Variants in SNTB2 observed in about 807,000 individuals in gnomAD.
SNTB2 encodes beta-2-syntrophin.
SNTB2 carries 34 observed loss-of-function variants against 46.2 expected under a neutral mutation model. The observed-to-expected ratio is 0.74, with a 90% CI of 0.56 to 0.98. The LOEUF (loss-of-function observed/expected upper bound fraction) is 0.98. SNTB2 is among the 50% of genes least tolerant of loss of function. SNTB2 has a pLI of 0.00. For synonymous variants in SNTB2, 290 were observed against 312.6 expected, an observed-to-expected ratio of 0.93 and a Z score of 0.76; for missense variants, 603 against 731.4, an observed-to-expected ratio of 0.82 and a Z score of 2.02.
intron 1 of SNTB2, among the ~76,000 whole-genome samples, chr16:69,226,092 G>A (rs1362826933): frequency 6.6e-6 from 1 of 151,532 alleles, no homozygotes; most frequent in Non-Finnish European, 1.5e-5. Context: ...GATTTTTCGA[G>A]AAGGAGTCTC....
intron 3 of SNTB2, among the ~76,000 whole-genome samples, chr16:69,262,972 T>C (rs1204462395): frequency 6.6e-6 from 1 of 152,016 alleles, no homozygotes; most frequent in Non-Finnish European, 1.5e-5. Flanking sequence ...TATTATTAAC[T>C]ATAGTCACCA....
Position 69,246,641 on chromosome 16 carries a change from A to G in SNTB2, c.794+826A>G, listed in dbSNP as rs1321967325. On this transcript the variant is annotated intron_variant, in intron 2 of 6. Transcript: ENST00000336278. ...GAATAGTTTCAGAAGGAATGGTACCAGTTCCTCCTTGTACCTCTGGTAGAA... is the reference window on the plus strand; with the variant it reads ...GAATAGTTTCAGAAGGAATGGTACCGGTTCCTCCTTGTACCTCTGGTAGAA... Among the ~76,000 whole-genome samples, 5 of 143,546 alleles carry G rather than the reference A, an allele frequency of 3.5e-5. No homozygotes were observed. The East Asian group carries it at 5.9e-4, about 17-fold the overall frequency. The allele number at this position is 143,546 out of a possible 152,430, so 94.2% of individuals were successfully genotyped here. A position where few individuals can be genotyped will look rare whatever the true frequency, so the allele number is the denominator to read the frequency against.
intron 1 of SNTB2, among the ~76,000 whole-genome samples, chr16:69,210,043 T>A (rs1265933986): frequency 2.1e-5 from 3 of 146,292 alleles, no homozygotes; most frequent in East Asian, 4.0e-4. Flanking sequence ...TTTTTTTTTT[T>A]AGACGGAGTT....
At chr16:69,297,661 C>T (rs1434887235) in intron 5 of SNTB2, among the ~76,000 whole-genome samples, 3 of 151,728 alleles carry the variant, frequency 2.0e-5, no homozygotes, top group Non-Finnish European at 4.4e-5. Context: ...CCTATAATCC[C>T]CACACTTTGG....
At chr16:69,295,068 G>A (rs1023498384) in intron 5 of SNTB2, among the ~76,000 whole-genome samples, 11 of 151,792 alleles carry the variant, frequency 7.2e-5, no homozygotes, top group African/African-American at 2.7e-4. Context: ...CAATCCACCT[G>A]CCTCGGCCTC....
At chr16:69,213,374 G>A (rs977026015) in intron 1 of SNTB2, among the ~76,000 whole-genome samples, 1 of 152,024 alleles carries the variant, frequency 6.6e-6, no homozygotes, top group African/African-American at 2.4e-5. Context: ...TTCAGAAAAT[G>A]CTTACTCAGT....
At chr16:69,191,117 A>G (rs565399733) in intron 1 of SNTB2, 1 of 152,054 alleles carries the variant, frequency 6.6e-6, no homozygotes, top group Admixed American at 6.6e-5. Context: ...GTTAAGAATG[A>G]GTTTGCGCTG....
rs531072249 is a variant in SNTB2 at position 69,220,623 on chromosome 16, G to T, written c.581-24979G>T. 2.6e-5 allele frequency among the ~76,000 whole-genome samples: 4 copies of T among 151,776 alleles called. No homozygotes were observed. The South Asian group carries it at 8.3e-4, about 32-fold the overall frequency. ...GGTCATTGCAGCCTTGAACTCCTGG[G>T]CTCAAGCAATCCTTCTGCCTCAGCC... On this transcript the variant is annotated intron_variant, in intron 1 of 6. Coordinates refer to ENST00000336278, the MANE Select transcript of SNTB2 (RefSeq NM_006750.4).
chr16:69,234,895 G>T (rs1320035276), intron 1 of SNTB2, among the ~76,000 whole-genome samples: 1 of 151,890 alleles, frequency 6.6e-6, no homozygotes, highest in African/African-American at 2.4e-5. Flanking sequence ...TAGAGACGGG[G>T]TTTCACCATG....
chr16:69,256,149 G>T (rs1228364688), intron 2 of SNTB2, among the ~76,000 whole-genome samples: 4 of 152,018 alleles, frequency 2.6e-5, no homozygotes, highest in Admixed American at 2.0e-4. Context: ...TCGGGCCACT[G>T]CACTCCAGCC....
At chr16:69,297,714 C>T (rs1293036499) in intron 5 of SNTB2, among the ~76,000 whole-genome samples, 1 of 151,906 alleles carries the variant, frequency 6.6e-6, no homozygotes, top group African/African-American at 2.4e-5. Context: ...GAGTTCAAGA[C>T]CAACCTGGCC....
At chr16:69,297,333 A>G (rs1202545066) in intron 5 of SNTB2, among the ~76,000 whole-genome samples, 4 of 142,010 alleles carry the variant, frequency 2.8e-5, no homozygotes, top group South Asian at 2.2e-4. Context: ...AAAAAAAAAA[A>G]AGGAGGCCGG....
intron 1 of SNTB2, among the ~76,000 whole-genome samples, chr16:69,215,418 C>G (rs990553875): frequency 1.3e-5 from 2 of 152,116 alleles, no homozygotes; most frequent in Non-Finnish European, 2.9e-5. Flanking sequence ...GAGATGTTTC[C>G]TATTAAAGAA....
intron 1 of SNTB2, among the ~76,000 whole-genome samples, chr16:69,234,979 A>G (rs1964543449): frequency 6.6e-6 from 1 of 152,200 alleles, no homozygotes; most frequent in Admixed American, 6.5e-5. Flanking sequence ...TTGGGATTAC[A>G]GGTGTGAGCC....
chr16:69,259,995 C>A, intron 2 of SNTB2, 55 bp from the exon 3 acceptor site: 2 of 1,280,548 alleles, frequency 1.6e-6, no homozygotes, highest in Non-Finnish European at 2.3e-6. Context: ...TTAAACCTGG[C>A]AGGTTTGGTG....
At chr16:69,202,624 G>T (rs1964174322) in intron 1 of SNTB2, among the ~76,000 whole-genome samples, 1 of 151,990 alleles carries the variant, frequency 6.6e-6, no homozygotes, top group African/African-American at 2.4e-5. Flanking sequence ...CTCCCAGGCT[G>T]GAGTGCAGTG....
Position 69,187,714 on chromosome 16 carries a change from T to A in SNTB2, c.548T>A (p.Leu183Gln). 6.9e-7 allele frequency: 1 copy of A among 1,458,048 alleles called. No homozygotes were observed. 90.3% of individuals were successfully genotyped at this position (1,458,048 alleles called of 1,614,324 possible). ...ACCCACGACCAGGCCGTGCAGGCGC[T>A]GAAGCGCGCGGGCAAGGAGGTGCTG... ...QATHDQAVQA[L>Q]KRAGKEVLLE... Residue 183 changes from leucine (L) to glutamine (Q), a missense_variant, in exon 1 of 7, where the codon CTG (leucine) becomes CAG (glutamine). Coordinates refer to ENST00000336278, the MANE Select transcript of SNTB2 (RefSeq NM_006750.4).
intron 2 of SNTB2, among the ~76,000 whole-genome samples, chr16:69,249,273 G>T (rs1021561690): frequency 6.6e-6 from 1 of 152,028 alleles, no homozygotes; most frequent in African/African-American, 2.4e-5. Context: ...CAATCTACTC[G>T]CTTTGGTCTC....
At chr16:69,192,147 G>A (rs1162592512) in intron 1 of SNTB2, among the ~76,000 whole-genome samples, 2 of 152,182 alleles carry the variant, frequency 1.3e-5, no homozygotes, top group African/African-American at 2.4e-5. Context: ...AGGAAAGACC[G>A]AAGGTGGGAA....
Sources: allele counts gnomAD v4.1 joint callset (sites outside exome capture counted in the v4.1 genomes callset), GRCh38; gene constraint gnomAD v4.1.1; transcripts MANE v1.5; gene names NCBI Gene and HGNC (gene_info 2026-07-23, HGNC 2026-07-21).